The following SIPA1L1 variants were observed in gnomAD, a reference collection of about 807,000 sequenced individuals.
SIPA1L1 encodes signal induced proliferation associated 1 like 1.
Under a neutral mutation model 162.7 loss-of-function variants are expected in SIPA1L1, and 26 were observed. The observed-to-expected ratio is 0.16, with a 90% confidence interval of 0.12 to 0.22. SIPA1L1 has a LOEUF of 0.22. Ranked by LOEUF, SIPA1L1 falls within the 10% of genes least tolerant of loss-of-function variation. SIPA1L1 has a pLI of 1.00. For missense variants in SIPA1L1, 1,874 were observed against 2,241.0 expected, an observed-to-expected ratio of 0.84 and a Z score of 3.31; for synonymous variants, 829 against 837.4, an observed-to-expected ratio of 0.99 and a Z score of 0.17.
At chr14:71,450,114 AAT>A (rs1216984824) in intron 2 of SIPA1L1, among the ~76,000 whole-genome samples, 2 of 152,154 alleles carry the variant, frequency 1.3e-5, no homozygotes, top group East Asian at 1.9e-4. Flanking sequence ...ATTTCTGCTA[AAT>A]ATATCTTTAT....
intron 2 of SIPA1L1, among the ~76,000 whole-genome samples, chr14:71,500,085 A>T (rs1455880281): frequency 6.6e-6 from 1 of 152,208 alleles, no homozygotes; most frequent in Non-Finnish European, 1.5e-5. Context: ...TGACATTTGG[A>T]CGTAGTGTTT....
chr14:71,564,914 C>A (rs148595641), intron 4 of SIPA1L1, among the ~76,000 whole-genome samples: 3 of 152,240 alleles, frequency 2.0e-5, no homozygotes, highest in African/African-American at 7.2e-5. Context: ...TACTTTAATT[C>A]CTCACTTAAA....
At position 71,408,560 on chromosome 14, in the gene SIPA1L1, C is replaced by T. The variant is rs984703637; in HGVS notation, c.-465+87379C>T. ...GTGGAATGTGATGGGGACTCTCGCT[C>T]GAGGATTGTTCACATAGCTCTTGCA... On this transcript the variant is annotated intron_variant, in intron 2 of 23. Transcript: ENST00000381232. Among the ~76,000 whole-genome samples, 8 of 152,168 alleles carry T rather than the reference C, an allele frequency of 5.3e-5. No homozygotes were observed. In the East Asian group the frequency reaches 7.7e-4, roughly 15 times the overall value.
intron 2 of SIPA1L1, among the ~76,000 whole-genome samples, chr14:71,326,001 A>G (rs1291342803): frequency 6.6e-6 from 1 of 152,172 alleles, no homozygotes. Context: ...CTCAAAGGCA[A>G]CTTGAGCAGA....
intron 17 of SIPA1L1, among the ~76,000 whole-genome samples, chr14:71,721,166 G>A (rs1175557874): frequency 6.6e-6 from 1 of 152,174 alleles, no homozygotes; most frequent in Non-Finnish European, 1.5e-5. Context: ...AGCACTAGGG[G>A]GCACCCTAAG....
intron 5 of SIPA1L1, among the ~76,000 whole-genome samples, chr14:71,617,581 T>C (rs2038973814): frequency 6.6e-6 from 1 of 152,262 alleles, no homozygotes; most frequent in Admixed American, 6.5e-5. Context: ...CTTTAGTACC[T>C]GCAAAGTATT....
At chr14:71,331,499 G>C (rs758989456) in intron 2 of SIPA1L1, among the ~76,000 whole-genome samples, 4 of 152,238 alleles carry the variant, frequency 2.6e-5, no homozygotes, top group Non-Finnish European at 5.9e-5. Context: ...AGTAAAAGCT[G>C]TGTGTCTAGC....
At chr14:71,553,954 C>T (rs2056110963) in intron 4 of SIPA1L1, among the ~76,000 whole-genome samples, 1 of 152,126 alleles carries the variant, frequency 6.6e-6, no homozygotes, top group Non-Finnish European at 1.5e-5. Context: ...AATTCATGTC[C>T]TCATCCAGGT....
At chr14:71,613,239 G>T (rs1219980081) in intron 5 of SIPA1L1, among the ~76,000 whole-genome samples, 1 of 152,042 alleles carries the variant, frequency 6.6e-6, no homozygotes, top group Admixed American at 6.6e-5. Context: ...CTAAGTAAAT[G>T]AGCTGATTAA....
intron 2 of SIPA1L1, among the ~76,000 whole-genome samples, chr14:71,417,349 T>C (rs1330843768): frequency 6.7e-6 from 1 of 150,240 alleles, no homozygotes; most frequent in African/African-American, 2.4e-5. Context: ...CGGGTGCCTG[T>C]AGTCCCAGCT....
intron 2 of SIPA1L1, among the ~76,000 whole-genome samples, chr14:71,433,041 G>A (rs560890110): frequency 6.6e-6 from 1 of 152,218 alleles, no homozygotes; most frequent in Admixed American, 6.5e-5. Flanking sequence ...TTTATATCTG[G>A]AAAGAACCTT....
chr14:71,567,674 A>G (rs933159034), intron 4 of SIPA1L1, among the ~76,000 whole-genome samples: 1 of 150,886 alleles, frequency 6.6e-6, no homozygotes, highest in African/African-American at 2.5e-5. Flanking sequence ...TAGACCATAT[A>G]GGGCAACTTC....
intron 7 of SIPA1L1, among the ~76,000 whole-genome samples, chr14:71,646,052 A>C (rs2042128092): frequency 6.6e-6 from 1 of 152,212 alleles, no homozygotes; most frequent in Admixed American, 6.5e-5. Flanking sequence ...AAAACTTCTG[A>C]AGAAGACTGA....
rs771595764 is a variant in SIPA1L1, at chr14:71,705,380, G to A, written c.3765+40G>A. 4.4e-6 allele frequency: 6 copies of A among 1,366,352 alleles called. No individual in the cohort carries two copies. In the Admixed American group the frequency reaches 5.0e-5, roughly 11 times the overall value. The allele number at this position is 1,366,352 out of a possible 1,614,324, so 84.6% of individuals were successfully genotyped here. On this transcript the variant is annotated intron_variant, in intron 16 of 23. Coordinates refer to ENST00000381232, the MANE Select transcript of SIPA1L1 (RefSeq NM_001386936.1). The stretch of plus-strand genomic sequence containing the variant: ...AACTTAAAAAAGTATTAGATTCCTA[G>A]CAGTGTACCTTCCTTGCACTATGAA...
intron 2 of SIPA1L1, among the ~76,000 whole-genome samples, chr14:71,463,076 A>G (rs552877338): frequency 2.1e-4 from 32 of 152,336 alleles, no homozygotes; most frequent in Admixed American, 5.2e-4. Context: ...ACCAAGATCT[A>G]TGTCTTCTGC....
At chr14:71,325,053 G>T (rs1190213405) in intron 2 of SIPA1L1, among the ~76,000 whole-genome samples, 2 of 152,096 alleles carry the variant, frequency 1.3e-5, no homozygotes, top group Non-Finnish European at 2.9e-5. Context: ...TCCTTCTTCC[G>T]GGAGAGATAA....
intron 19 of SIPA1L1, among the ~76,000 whole-genome samples, chr14:71,729,197 G>A (rs948992662): frequency 2.0e-5 from 3 of 151,936 alleles, no homozygotes; most frequent in Non-Finnish European, 2.9e-5. Flanking sequence ...CACCACGGCT[G>A]GGTAATTTTT....
chr14:71,693,814 G>A (rs2081424488), intron 13 of SIPA1L1, among the ~76,000 whole-genome samples: 1 of 151,452 alleles, frequency 6.6e-6, no homozygotes, highest in African/African-American at 2.4e-5. Flanking sequence ...TTCCCTGGTT[G>A]GATAGCAATT....
chr14:71,672,924 G>A (rs572919647), intron 12 of SIPA1L1, among the ~76,000 whole-genome samples: 1 of 152,348 alleles, frequency 6.6e-6, no homozygotes, highest in African/African-American at 2.4e-5. Context: ...TCCACTGGGA[G>A]CTGAGAAACA....
Sources: allele counts gnomAD v4.1 joint callset (sites outside exome capture counted in the v4.1 genomes callset), GRCh38; gene constraint gnomAD v4.1.1; transcripts MANE v1.5; gene names NCBI Gene and HGNC (gene_info 2026-07-23, HGNC 2026-07-21).